The following TENM4 variants were observed in gnomAD, a reference collection of about 807,000 sequenced individuals.
TENM4 encodes the protein teneurin transmembrane protein 4, also known as teneurin-4.
TENM4 carries 82 observed loss-of-function variants against 243.3 expected under a neutral mutation model. The observed-to-expected ratio is 0.34, with a 90% confidence interval of 0.28 to 0.40. The LOEUF (loss-of-function observed/expected upper bound fraction) is 0.40, where lower values mean the gene tolerates loss of function less well. Ranked by LOEUF, TENM4 falls within the 10% of genes least tolerant of loss-of-function variation. TENM4 has a pLI of 1.00. For synonymous variants in TENM4, 1,412 were observed against 1,456.3 expected (o/e 0.97, Z 0.69); for missense variants, 3,138 against 3,673.3 (o/e 0.85, Z 3.77).
chr11:79,370,320 G>T (rs1445979312), intron 1 of TENM4, among the ~76,000 whole-genome samples: 3 of 152,158 alleles, frequency 2.0e-5, no homozygotes, highest in African/African-American at 7.2e-5. Context: ...CAACTTCACA[G>T]GTGCCTCTGT....
intron 2 of TENM4, among the ~76,000 whole-genome samples, chr11:79,217,046 C>A (rs1025686022): frequency 6.6e-6 from 1 of 152,164 alleles, no homozygotes; most frequent in Non-Finnish European, 1.5e-5. Context: ...AAATTCTGAA[C>A]TGGGGGACAC....
intron 14 of TENM4, among the ~76,000 whole-genome samples, chr11:78,809,754 C>A (rs543256885): frequency 1.3e-5 from 2 of 152,286 alleles, no homozygotes; most frequent in Admixed American, 6.5e-5. Context: ...AAATAGTTAC[C>A]TTTTTTCCCC....
Position 79,027,268 on chromosome 11 carries a change from G to A in TENM4, c.493+37470C>T, listed in dbSNP as rs563107707. On this transcript the variant is annotated intron_variant, in intron 6 of 33. Transcript: ENST00000278550. ...GGCTAGCACTTCAACCCAAATTAGA[G>A]CCCAAAGATTCACGCAGTCACCAAG... is the stretch of plus-strand genomic sequence containing the variant. 1.2e-4 allele frequency among the ~76,000 whole-genome samples: 18 copies of A among 152,290 alleles called. No individual in the cohort carries two copies. In the East Asian group the frequency reaches 3.5e-3, roughly 29 times the overall value.
rs757551251 is a variant in TENM4, at chr11:78,669,906, C to T, written c.6439G>A (p.Ala2147Thr). ...TGCACTTCCTTCATCCTGCCATATG[C>T]ATCAAAATGCTTGGTGTGGGTCATG... The part of the protein sequence containing the change: ...AVMTHTKHFD[A>T]YGRMKEVQYE... Residue 2147 changes from alanine (A) to threonine (T), a missense_variant, in exon 32 of 34, where the codon GCA becomes ACA. Transcript: ENST00000278550. This position sits in a 1 kb window ranked among gnomAD's most constrained non-coding sequence, Gnocchi z 6.4. 1.2e-5 allele frequency: 19 copies of T among 1,613,816 alleles called. No individual in the cohort carries two copies. Among genetic ancestry groups the T allele is most frequent in the Non-Finnish European group, 8.5e-7 (1 of 1,179,866 alleles).
intron 6 of TENM4, among the ~76,000 whole-genome samples, chr11:78,984,360 T>C (rs1262159476): frequency 6.6e-6 from 1 of 152,200 alleles, no homozygotes; most frequent in African/African-American, 2.4e-5. Context: ...CCTCGAGAGT[T>C]CTTGAAAGGA....
At chr11:79,117,726 A>T (rs12800047) in intron 4 of TENM4, among the ~76,000 whole-genome samples, 99,126 of 152,110 alleles carry the variant, frequency 0.65, 34,376 homozygotes, top group Non-Finnish European at 0.8. Flanking sequence ...GGCCAGCTGA[A>T]CCTTGCTCTT....
intron 6 of TENM4, among the ~76,000 whole-genome samples, chr11:78,904,398 A>G (rs1263175187): frequency 1.3e-5 from 2 of 151,144 alleles, no homozygotes; most frequent in Admixed American, 6.6e-5. Context: ...GTTTACTGAG[A>G]TGGTGATAAA....
At chr11:78,919,123 T>C (rs914785756) in intron 6 of TENM4, among the ~76,000 whole-genome samples, 1 of 152,238 alleles carries the variant, frequency 6.6e-6, no homozygotes, top group South Asian at 2.1e-4. Flanking sequence ...GTATTCACTA[T>C]GTCTACAGTC....
chr11:78,888,982 A>G (rs1229467867), intron 9 of TENM4, among the ~76,000 whole-genome samples: 1 of 152,246 alleles, frequency 6.6e-6, no homozygotes, highest in African/African-American at 2.4e-5. Flanking sequence ...CTTTGGATTA[A>G]TATCTTTCCT....
At chr11:78,719,855 C>A (rs991598087) in intron 25 of TENM4, among the ~76,000 whole-genome samples, 1 of 152,182 alleles carries the variant, frequency 6.6e-6, no homozygotes, top group Admixed American at 6.5e-5. Flanking sequence ...TTGATCTCTG[C>A]AGTTGGTTCC....
chr11:78,700,543 C>T (rs1044584777), intron 28 of TENM4, among the ~76,000 whole-genome samples: 2 of 152,062 alleles, frequency 1.3e-5, no homozygotes, highest in African/African-American at 4.8e-5. Context: ...TGGCTAAGAC[C>T]TCAAAAAGCA....
chr11:79,335,861 A>G (rs1463938976), intron 1 of TENM4, among the ~76,000 whole-genome samples: 1 of 152,172 alleles, frequency 6.6e-6, no homozygotes, highest in Non-Finnish European at 1.5e-5. Flanking sequence ...TAGGGGTCTC[A>G]AAGGGTAACT....
intron 16 of TENM4, among the ~76,000 whole-genome samples, chr11:78,785,646 G>A (rs921995117): frequency 1.3e-5 from 2 of 152,142 alleles, no homozygotes; most frequent in Non-Finnish European, 2.9e-5. Flanking sequence ...TCGGCACGTT[G>A]TGAATACTTA....
chr11:79,369,914 G>C (rs1029857667), intron 1 of TENM4, among the ~76,000 whole-genome samples: 1 of 152,188 alleles, frequency 6.6e-6, no homozygotes, highest in Non-Finnish European at 1.5e-5. Context: ...ACCCAGGACT[G>C]TCTGTCTCCA....
chr11:78,976,847 G>C (rs1469808055), intron 6 of TENM4, among the ~76,000 whole-genome samples: 1 of 152,178 alleles, frequency 6.6e-6, no homozygotes, highest in African/African-American at 2.4e-5. Context: ...GAACCTTTGA[G>C]ATAAGTGAAG....
chr11:78,688,957 T>C (rs767422213), intron 28 of TENM4, among the ~76,000 whole-genome samples: 3 of 152,258 alleles, frequency 2.0e-5, no homozygotes, highest in Non-Finnish European at 4.4e-5. Flanking sequence ...AAGAAATACC[T>C]ACCATCATTG....
intron 22 of TENM4, among the ~76,000 whole-genome samples, chr11:78,727,275 C>T (rs748334469): frequency 4.6e-5 from 7 of 152,100 alleles, no homozygotes; most frequent in Middle Eastern, 3.4e-3. Context: ...GGTGAAACCT[C>T]GTCTCTACTA....
intron 6 of TENM4, among the ~76,000 whole-genome samples, chr11:79,016,838 T>C (rs1337096392): frequency 6.6e-6 from 1 of 152,210 alleles, no homozygotes; most frequent in Non-Finnish European, 1.5e-5. Context: ...GGTGAGACTG[T>C]GGTCTTGTTA....
intron 2 of TENM4, among the ~76,000 whole-genome samples, chr11:79,295,896 AACACACACACACACACACACACAC>A (rs199711050): frequency 2.1e-4 from 27 of 130,912 alleles, no homozygotes; most frequent in African/African-American, 7.7e-4. Context: ...CCAGGGATTA[AACACACACACACACACACACACAC>A]ACACACACAC....
Sources: allele counts gnomAD v4.1 joint callset (sites outside exome capture counted in the v4.1 genomes callset), GRCh38; gene constraint gnomAD v4.1.1; non-coding constraint Gnocchi (gnomAD v3.1); transcripts MANE v1.5; gene names NCBI Gene and HGNC (gene_info 2026-07-23, HGNC 2026-07-21).